MAP6: variants seen among roughly 807,000 people sequenced by gnomAD.
MAP6 encodes microtubule-associated protein 6.
Under a neutral mutation model 42.4 loss-of-function variants are expected in MAP6, and 26 were observed. That is an observed-to-expected ratio of 0.61 (90% CI 0.45 to 0.85). MAP6 has a LOEUF of 0.85. MAP6 is among the 40% of genes least tolerant of loss of function. The pLI, the probability that MAP6 is intolerant of heterozygous loss-of-function variation, is 0.00. For missense variants in MAP6, 966 were observed against 1,099.0 expected, an observed-to-expected ratio of 0.88 and a Z score of 1.71; for synonymous variants, 418 against 443.8, an observed-to-expected ratio of 0.94 and a Z score of 0.73.
chr11:75,600,116 G>A (rs929431727), intron 3 of MAP6, among the ~76,000 whole-genome samples: 1 of 152,152 alleles, frequency 6.6e-6, no homozygotes, highest in African/African-American at 2.4e-5. Context: ...TCAGAAAGTG[G>A]ACAAGTACTT....
In MAP6 at chr11:75,668,443, C is replaced by A; in HGVS notation, c.-74G>T. The A allele has an allele frequency of 6.8e-7, 1 of 1,475,262 alleles. No individual in the cohort carries two copies. The highest frequency in any genetic ancestry group is 1.3e-5 in the South Asian group (1 of 74,512). The allele number at this position is 1,475,262 out of a possible 1,614,324, so 91.4% of individuals were successfully genotyped here. A position where few individuals can be genotyped will look rare whatever the true frequency, so the allele number is the denominator to read the frequency against. On this transcript the variant is annotated 5_prime_UTR_variant, in exon 1 of 4. It adds an upstream start codon to the 5' untranslated region. Transcript: ENST00000304771. ...CAAGTCTCTATAATCTTCCTTCAGC[C>A]TCCGATCCTGACCGGCCAATGTGGT...
At chr11:75,593,416 T>C (rs766230909) in intron 3 of MAP6, among the ~76,000 whole-genome samples, 46 of 152,348 alleles carry the variant, frequency 3.0e-4, no homozygotes, top group Admixed American at 2.0e-3. Context: ...GCCTCCTGAG[T>C]GCACACACAC....
At chr11:75,649,138 C>T (rs977443947) in intron 1 of MAP6, among the ~76,000 whole-genome samples, 3 of 151,926 alleles carry the variant, frequency 2.0e-5, no homozygotes, top group Non-Finnish European at 4.4e-5. Flanking sequence ...GTACAAAAAC[C>T]TAAACATAAA....
At chr11:75,661,006 G>T (rs1943834268) in intron 1 of MAP6, among the ~76,000 whole-genome samples, 1 of 151,218 alleles carries the variant, frequency 6.6e-6, no homozygotes, top group East Asian at 1.9e-4. Context: ...TAAATATTAG[G>T]TATGAAAAAG....
intron 3 of MAP6, among the ~76,000 whole-genome samples, chr11:75,588,533 T>C (rs1942412665): frequency 6.6e-6 from 1 of 152,056 alleles, no homozygotes; most frequent in African/African-American, 2.4e-5. Flanking sequence ...TCCATCCAGG[T>C]CCCTACTTTT....
At chr11:75,607,959 C>T (rs1942809639) in intron 2 of MAP6, 150 bp downstream of exon 2, 2 of 696,440 alleles carry the variant, frequency 2.9e-6, no homozygotes, top group Non-Finnish European at 4.8e-6. Context: ...GAAGATGGCC[C>T]TGGGTCTCAG....
intron 1 of MAP6, among the ~76,000 whole-genome samples, chr11:75,618,254 G>C (rs141797611): frequency 1.3e-5 from 2 of 152,148 alleles, no homozygotes; most frequent in Admixed American, 1.3e-4. Flanking sequence ...ACAACTCGAT[G>C]TCAATAAATT....
chr11:75,587,626 G>T lies in MAP6; in HGVS notation c.1875C>A (p.Val625=). The T allele has an allele frequency of 6.2e-7, 1 of 1,613,946 alleles. No homozygotes were observed. The highest frequency in any genetic ancestry group is 8.5e-7 in the Non-Finnish European group (1 of 1,179,954). ...KGEGPIVPAP[V]KDEGPMVSAP... is the part of the protein sequence containing the mutation. ...CTGAGACCATGGGACCTTCATCCTT[G>T]ACAGGTGCTGGGACTATGGGACCTT... Residue 625 remains valine, a synonymous_variant, in exon 4 of 4, where the codon GTC becomes GTA. Coordinates refer to ENST00000304771, the MANE Select transcript of MAP6 (RefSeq NM_033063.2).
intron 1 of MAP6, among the ~76,000 whole-genome samples, chr11:75,654,040 G>A (rs1943695936): frequency 6.6e-6 from 1 of 152,136 alleles, no homozygotes; most frequent in South Asian, 2.1e-4. Context: ...AGGTGCTGGA[G>A]GTACAATAGT....
intron 1 of MAP6, among the ~76,000 whole-genome samples, chr11:75,625,900 G>A (rs1385552252): frequency 6.6e-6 from 1 of 152,054 alleles, no homozygotes; most frequent in African/African-American, 2.4e-5. Flanking sequence ...CCAGACCACG[G>A]GTCCAGTCCA....
intron 3 of MAP6, among the ~76,000 whole-genome samples, chr11:75,601,254 T>TGTG (rs1220436008): frequency 5.9e-5 from 9 of 152,234 alleles, no homozygotes; most frequent in African/African-American, 2.2e-4. Flanking sequence ...CTTTCCTGTG[T>TGTG]CTTTTTCTCT....
rs376509878 is a variant in MAP6, at chr11:75,624,736, A to G, written c.906-16414T>C. Among the ~76,000 whole-genome samples the G allele has an allele frequency of 5.3e-5, 8 of 152,312 alleles. No homozygotes were observed. The South Asian group carries it at 8.3e-4, about 16-fold the overall frequency. ...CAGCATAATGCATAGACCCATCAGG[A>G]GAATAGTCATGTTCTTTCGAAAGGC... On this transcript the variant is annotated intron_variant, in intron 1 of 3. Coordinates refer to ENST00000304771, the MANE Select transcript of MAP6 (RefSeq NM_033063.2).
At chr11:75,663,652 C>T (rs947426529) in intron 1 of MAP6, among the ~76,000 whole-genome samples, 1 of 152,114 alleles carries the variant, frequency 6.6e-6, no homozygotes, top group Admixed American at 6.5e-5. Context: ...AATAGAAGAA[C>T]AATTGATTCA....
At chr11:75,608,359 C>T in intron 1 of MAP6, 37 bp from the exon 2 acceptor site, 2 of 1,558,918 alleles carry the variant, frequency 1.3e-6, no homozygotes. Flanking sequence ...TATGAAGCAT[C>T]ATCTGCCTGG....
chr11:75,588,734 G>A (rs1417449065), intron 3 of MAP6, among the ~76,000 whole-genome samples: 1 of 152,232 alleles, frequency 6.6e-6, no homozygotes, highest in East Asian at 1.9e-4. Flanking sequence ...AGGAAAGGAA[G>A]CAGTGGGAAT....
intron 1 of MAP6, among the ~76,000 whole-genome samples, chr11:75,637,266 A>G (rs1943384910): frequency 2.0e-5 from 3 of 152,206 alleles, no homozygotes; most frequent in African/African-American, 7.2e-5. Context: ...ATGGCAGACC[A>G]TATATATGGA....
chr11:75,651,463 C>A (rs1383486458), intron 1 of MAP6, among the ~76,000 whole-genome samples: 1 of 152,162 alleles, frequency 6.6e-6, no homozygotes, highest in Non-Finnish European at 1.5e-5. Context: ...TTTTTGGGTG[C>A]TAGATCCTGG....
rs1943993427 is a variant in MAP6 at position 75,668,044 on chromosome 11, C to T, written c.326G>A (p.Gly109Asp). 1 of 1,229,050 alleles carries T rather than the reference C, an allele frequency of 8.1e-7. No homozygotes were observed. The allele number at this position is 1,229,050 out of a possible 1,614,324, so 76.1% of individuals were successfully genotyped here. The change falls in exon 1 of 4, where the codon GGC (glycine) becomes GAC (aspartate). Residue 109 changes from glycine (G) to aspartate (D), a missense_variant. Transcript: ENST00000304771. Reference protein sequence around the residue: ...PGRSGPGPGLGSGSTSGPADS... With the variant: ...PGRSGPGPGLDSGSTSGPADS... ...CGCGGGGCCGGAGGTGGAGCCGGAG[C>T]CCAGGCCCGGGCCCGGCCCGCTCCG...
chr11:75,668,569 G>T lies in MAP6; in HGVS notation c.-200C>A. ...CCTAGGAGAGTCTGTAGAGTCCCTCGATTACCGGTCGCAAACGCCTTTGGG... is the reference window on the plus strand; with the variant it reads ...CCTAGGAGAGTCTGTAGAGTCCCTCTATTACCGGTCGCAAACGCCTTTGGG... On this transcript the variant is annotated 5_prime_UTR_variant, in exon 1 of 4. Coordinates refer to ENST00000304771, the MANE Select transcript of MAP6 (RefSeq NM_033063.2). 1 of 632,436 alleles carries T rather than the reference G, an allele frequency of 1.6e-6. No homozygotes were observed. Among genetic ancestry groups the T allele is most frequent in the Non-Finnish European group, 2.2e-6 (1 of 445,744 alleles). 39.2% of individuals were successfully genotyped at this position (632,436 alleles called of 1,614,324 possible).
Sources: allele counts gnomAD v4.1 joint callset (sites outside exome capture counted in the v4.1 genomes callset), GRCh38; gene constraint gnomAD v4.1.1; transcripts MANE v1.5; gene names NCBI Gene and HGNC (gene_info 2026-07-23, HGNC 2026-07-21).